Variants in DLG2 observed in about 807,000 individuals in gnomAD.
DLG2 encodes disks large homolog 2.
A neutral mutation model predicts 132.5 loss-of-function variants in DLG2; 45 were observed. The ratio of observed to expected loss-of-function variants is 0.34; its 90% CI spans 0.27 to 0.44. The LOEUF is 0.44. DLG2 is among the 20% of genes least tolerant of loss of function. The pLI is 1.00. For synonymous variants in DLG2, 424 were observed against 419.6 expected (o/e 1.01, Z -0.13); for missense variants, 1,045 against 1,196.9 (o/e 0.87, Z 1.87).
chr11:85,144,498 C>T (rs1288560917), intron 5 of DLG2, among the ~76,000 whole-genome samples: 1 of 151,320 alleles, frequency 6.6e-6, no homozygotes, highest in Non-Finnish European at 1.5e-5. Context: ...CTTCTCTTCC[C>T]TCCTTCCTTC....
chr11:84,582,363 T>A (rs2099518573), intron 6 of DLG2, among the ~76,000 whole-genome samples: 1 of 149,840 alleles, frequency 6.7e-6, no homozygotes, highest in Admixed American at 6.7e-5. Flanking sequence ...TCCTAACTAC[T>A]ACAGCATTAG....
intron 7 of DLG2, among the ~76,000 whole-genome samples, chr11:84,381,850 T>C (rs2098749952): frequency 6.6e-6 from 1 of 152,154 alleles, no homozygotes; most frequent in African/African-American, 2.4e-5. Flanking sequence ...AAATTCCAAC[T>C]GAACTTAGAT....
chr11:85,235,332 G>A (rs1391348026), intron 4 of DLG2, among the ~76,000 whole-genome samples: 1 of 151,814 alleles, frequency 6.6e-6, no homozygotes, highest in South Asian at 2.1e-4. Context: ...GCTTATATTG[G>A]GATATTGTAT....
At chr11:85,475,425 T>C (rs959009997) in intron 3 of DLG2, among the ~76,000 whole-genome samples, 23 of 152,056 alleles carry the variant, frequency 1.5e-4, no homozygotes, top group African/African-American at 5.5e-4. Flanking sequence ...AAAATAAACA[T>C]TATATGCCAA....
intron 6 of DLG2, among the ~76,000 whole-genome samples, chr11:84,644,846 G>T (rs956889781): frequency 2.0e-5 from 3 of 152,084 alleles, no homozygotes; most frequent in Non-Finnish European, 4.4e-5. Flanking sequence ...AGCGCTGTGT[G>T]GCTGACATAG....
chr11:84,530,465 G>C (rs1353078995), intron 7 of DLG2, among the ~76,000 whole-genome samples: 1 of 152,068 alleles, frequency 6.6e-6, no homozygotes, highest in African/African-American at 2.4e-5. Flanking sequence ...GTGGGAAAAG[G>C]ACATGAGCAG....
chr11:85,418,821 G>A (rs868867882), intron 3 of DLG2, among the ~76,000 whole-genome samples: 1 of 152,144 alleles, frequency 6.6e-6, no homozygotes, highest in African/African-American at 2.4e-5. Context: ...GAGCCTGTGT[G>A]TGTCTTTGCA....
At chr11:85,376,251 G>A (rs1347057222) in intron 3 of DLG2, among the ~76,000 whole-genome samples, 1 of 152,200 alleles carries the variant, frequency 6.6e-6, no homozygotes, top group African/African-American at 2.4e-5. Flanking sequence ...AACTGGAGGT[G>A]TCAGGGAAGA....
In DLG2 at chr11:85,352,007, T is replaced by G. The variant is rs185333069; in HGVS notation, c.41-66642A>C. Reference sequence around the variant, plus strand: ...TGGTACCAGCTCCTCTTTGTACCTCTGATAGAATCTGGCTGTAAATCCATC... The same window carrying G: ...TGGTACCAGCTCCTCTTTGTACCTCGGATAGAATCTGGCTGTAAATCCATC... On this transcript the variant is annotated intron_variant, in intron 3 of 27. Transcript: ENST00000376104. 2.2e-4 allele frequency among the ~76,000 whole-genome samples: 33 copies of G among 152,338 alleles called. No individual in the cohort carries two copies. In the East Asian group the frequency reaches 6.0e-3, roughly 28 times the overall value.
chr11:83,674,643 C>T (rs1264913949), intron 18 of DLG2, among the ~76,000 whole-genome samples: 2 of 152,156 alleles, frequency 1.3e-5, no homozygotes, highest in Admixed American at 6.5e-5. Flanking sequence ...AAGCCAGTGC[C>T]CTGGGAAGCA....
chr11:84,312,976 A>AT (rs149904855), intron 7 of DLG2, among the ~76,000 whole-genome samples: 15,270 of 150,504 alleles, frequency 0.1, 902 homozygotes, highest in South Asian at 0.13. Flanking sequence ...CGCCCGGCCA[A>AT]TTTTTTTGTA....
intron 11 of DLG2, among the ~76,000 whole-genome samples, chr11:84,039,262 A>C (rs2095979906): frequency 6.7e-6 from 1 of 150,278 alleles, no homozygotes; most frequent in South Asian, 2.1e-4. Context: ...GTACATGTGC[A>C]CATTGTGCAG....
chr11:83,511,019 A>G, intron 21 of DLG2, among the ~76,000 whole-genome samples: 1 of 121,744 alleles, frequency 8.2e-6, no homozygotes, highest in Non-Finnish European at 1.7e-5. Flanking sequence ...GCCCTCCAAT[A>G]CTACGTTTTG....
chr11:84,973,179 G>A (rs1216791359), intron 6 of DLG2, among the ~76,000 whole-genome samples: 7 of 151,780 alleles, frequency 4.6e-5, no homozygotes, highest in African/African-American at 7.3e-5. Context: ...GGCTGGTCTC[G>A]AACTCCTAAC....
At chr11:84,441,538 T>C (rs2099017327) in intron 7 of DLG2, among the ~76,000 whole-genome samples, 1 of 152,198 alleles carries the variant, frequency 6.6e-6, no homozygotes, top group Non-Finnish European at 1.5e-5. Context: ...TATTAGTTAC[T>C]TCTATACAAA....
At chr11:85,075,646 A>G (rs996092736) in intron 6 of DLG2, among the ~76,000 whole-genome samples, 17 of 151,960 alleles carry the variant, frequency 1.1e-4, no homozygotes, top group African/African-American at 4.1e-4. Flanking sequence ...CTGCACAATT[A>G]TACTATATAT....
chr11:84,797,937 ATGGTGGTCT>A (rs2074866219), intron 6 of DLG2, among the ~76,000 whole-genome samples: 1 of 152,188 alleles, frequency 6.6e-6, no homozygotes, highest in Non-Finnish European at 1.5e-5. Context: ...AGGTACCACT[ATGGTGGTCT>A]TGGATAAAAT....
intron 6 of DLG2, among the ~76,000 whole-genome samples, chr11:84,654,414 G>A (rs557293734): frequency 3.3e-4 from 50 of 152,218 alleles, no homozygotes; most frequent in Middle Eastern, 3.4e-3. Context: ...TTTCCTGGGG[G>A]GAGGGACTAT....
At chr11:84,343,001 T>C (rs2098522549) in intron 7 of DLG2, among the ~76,000 whole-genome samples, 1 of 152,158 alleles carries the variant, frequency 6.6e-6, no homozygotes, top group Admixed American at 6.5e-5. Context: ...CCCTGTAGGA[T>C]CTTTTCAGTC....
Sources: gnomAD v4.1 joint callset for allele counts (sites outside exome capture counted in the v4.1 genomes callset) on GRCh38, gnomAD v4.1.1 for gene constraint, MANE v1.5 for transcripts, NCBI Gene and HGNC (gene_info 2026-07-23, HGNC 2026-07-21) for gene names.